The following NALCN variants were observed in gnomAD, a reference collection of about 807,000 sequenced individuals.
NALCN encodes the protein sodium leak channel, non-selective.
NALCN carries 111 observed loss-of-function variants against 225.3 expected under a neutral mutation model. That is an observed-to-expected ratio of 0.49 (90% CI 0.42 to 0.58). The LOEUF is 0.58. Ranked by LOEUF, NALCN falls within the 20% of genes least tolerant of loss-of-function variation. The pLI is 0.00. For missense variants in NALCN, 1,378 were observed against 2,202.4 expected, an observed-to-expected ratio of 0.63 and a Z score of 7.49; for synonymous variants, 764 against 769.0, an observed-to-expected ratio of 0.99 and a Z score of 0.11.
intron 22 of NALCN, among the ~76,000 whole-genome samples, chr13:101,106,287 T>A (rs2035095434): frequency 6.6e-6 from 1 of 152,170 alleles, no homozygotes; most frequent in Non-Finnish European, 1.5e-5. Flanking sequence ...CCAAATACAG[T>A]CACATTCTGA....
At chr13:101,366,042 G>A (rs1375213206) in intron 6 of NALCN, among the ~76,000 whole-genome samples, 2 of 152,198 alleles carry the variant, frequency 1.3e-5, no homozygotes, top group Non-Finnish European at 2.9e-5. Context: ...TAACCTGCCA[G>A]CTCATTTTTA....
chr13:101,328,602 T>G (rs1198469811), intron 7 of NALCN, among the ~76,000 whole-genome samples: 1 of 152,212 alleles, frequency 6.6e-6, no homozygotes, highest in Non-Finnish European at 1.5e-5. Context: ...TTTTCCCACT[T>G]TCTATCTGTG....
intron 11 of NALCN, among the ~76,000 whole-genome samples, chr13:101,248,822 T>G (rs2041976902): frequency 6.6e-6 from 1 of 152,198 alleles, no homozygotes; most frequent in African/African-American, 2.4e-5. Flanking sequence ...AGTATAGCAC[T>G]TTCCTGATTT....
chr13:101,224,678 TGA>T (rs2041069252), intron 13 of NALCN, among the ~76,000 whole-genome samples: 1 of 152,142 alleles, frequency 6.6e-6, no homozygotes. Context: ...CTTCCTTTTT[TGA>T]GAGAGCCGAC....
At chr13:101,394,372 C>G (rs1226535739) in intron 3 of NALCN, among the ~76,000 whole-genome samples, 1 of 152,158 alleles carries the variant, frequency 6.6e-6, no homozygotes, top group Non-Finnish European at 1.5e-5. Context: ...AAAACACTTT[C>G]TCACCAAAAT....
intron 3 of NALCN, among the ~76,000 whole-genome samples, chr13:101,393,355 G>T (rs2047197380): frequency 6.6e-6 from 1 of 152,134 alleles, no homozygotes; most frequent in Non-Finnish European, 1.5e-5. Context: ...CGCATTGCTG[G>T]TCAAAATACA....
intron 15 of NALCN, among the ~76,000 whole-genome samples, chr13:101,162,031 A>G (rs2038211461): frequency 6.6e-6 from 1 of 151,978 alleles, no homozygotes; most frequent in Non-Finnish European, 1.5e-5. Flanking sequence ...TTCTCCCTGG[A>G]GTTGTGCTCC....
chr13:101,345,143 A>G (rs1420107357), intron 7 of NALCN, 123 bp downstream of exon 7: 3 of 1,026,100 alleles, frequency 2.9e-6, no homozygotes, highest in African/African-American at 1.6e-5. Flanking sequence ...ATTAAAATTT[A>G]TATTTGTATT....
chr13:101,065,841 C>T (rs567477950), intron 39 of NALCN, among the ~76,000 whole-genome samples: 28 of 152,198 alleles, frequency 1.8e-4, no homozygotes, highest in Non-Finnish European at 1.6e-4. Flanking sequence ...CCCTTCAGCC[C>T]CCCAGGACCC....
chr13:101,191,063 T>C (rs1249866934), intron 14 of NALCN, among the ~76,000 whole-genome samples: 1 of 152,196 alleles, frequency 6.6e-6, no homozygotes, highest in Non-Finnish European at 1.5e-5. Context: ...AGCAATAATA[T>C]TGTAAGATAT....
In NALCN at chr13:101,144,913, A is replaced by G. The variant is rs765374059; in HGVS notation, c.1840-17T>C. The G allele has an allele frequency of 6.3e-7, 1 of 1,594,968 alleles. No homozygotes were observed. The highest frequency in any genetic ancestry group is 8.5e-7 in the Non-Finnish European group (1 of 1,175,300). On this transcript the variant is annotated splice_polypyrimidine_tract_variant and intron_variant, in intron 15 of 43. Coordinates refer to ENST00000251127, the MANE Select transcript of NALCN (RefSeq NM_052867.4). ...TTGCTTTAACTAAAGAAAAATTGGA[A>G]AGAAGAAAAAAAGGGGGAACCTATA...
intron 2 of NALCN, among the ~76,000 whole-genome samples, chr13:101,395,649 C>T (rs1033522407): frequency 2.6e-5 from 4 of 152,148 alleles, no homozygotes; most frequent in African/African-American, 9.7e-5. Flanking sequence ...AAAGCATAGA[C>T]GGAACCTGAT....
At chr13:101,087,479 TAA>T (rs57414633) in intron 30 of NALCN, among the ~76,000 whole-genome samples, 9 of 142,820 alleles carry the variant, frequency 6.3e-5, no homozygotes, top group Non-Finnish European at 1.1e-4. Flanking sequence ...AGCTGCTTTC[TAA>T]AAAAAAAAAA....
rs1244510463 is a variant in NALCN at position 101,273,877 on chromosome 13, T to C, written c.1134+10056A>G. Among the ~76,000 whole-genome samples the C allele has an allele frequency of 8.1e-3, 826 of 102,200 alleles. 5 individuals carry two copies. The highest frequency in any genetic ancestry group is 0.031 in the African/African-American group (773 of 24,746). The allele number at this position is 102,200 out of a possible 152,430, so 67.0% of individuals were successfully genotyped here. On this transcript the variant is annotated intron_variant, in intron 10 of 43. Transcript: ENST00000251127. The stretch of plus-strand genomic sequence containing the variant: ...TCCAGCCTGGGCGACAGAGCAAGAC[T>C]CCATCTCAAAAAAAAAAAAAAAAAA...
intron 15 of NALCN, among the ~76,000 whole-genome samples, chr13:101,150,699 T>C (rs1566347334): frequency 6.6e-6 from 1 of 152,234 alleles, no homozygotes; most frequent in Non-Finnish European, 1.5e-5. Flanking sequence ...GCAAAGATTT[T>C]GCAAGATTAA....
At position 101,061,819 on chromosome 13, in the gene NALCN, A is replaced by G. The variant is rs676373; in HGVS notation, c.4755+149T>C. 10,399 of 687,832 alleles carry G rather than the reference A, an allele frequency of 0.015. 751 individuals are homozygous for G. The African/African-American group carries it at 0.16, about 11-fold the overall frequency. The allele number at this position is 687,832 out of a possible 1,614,324, so 42.6% of individuals were successfully genotyped here. ...TCTGCATCATGATCTGACCACTGTA[A>G]GTGGAGGTAGTGGACATAGTTTAAA... is the stretch of plus-strand genomic sequence containing the variant. On this transcript the variant is annotated intron_variant, in intron 41 of 43. Transcript: ENST00000251127.
At chr13:101,235,687 C>T (rs184296563) in intron 12 of NALCN, among the ~76,000 whole-genome samples, 2 of 152,290 alleles carry the variant, frequency 1.3e-5, no homozygotes, top group Admixed American at 6.5e-5. Context: ...TTTACATCCA[C>T]GGATGCTGAG....
At position 101,292,149 on chromosome 13, in the gene NALCN, G is replaced by A. The variant is rs1256760913; in HGVS notation, c.943-55C>T. ...AAGTCTAAGAATGACAAAGCAGAGGGCAACCAAAACCAAACAAAAGATCTG... is the reference window on the plus strand; with the variant it reads ...AAGTCTAAGAATGACAAAGCAGAGGACAACCAAAACCAAACAAAAGATCTG... On this transcript the variant is annotated intron_variant, in intron 8 of 43. Transcript: ENST00000251127. This position sits in a 1 kb window ranked among gnomAD's most constrained non-coding sequence, Gnocchi z 4.3. The A allele has an allele frequency of 1.9e-6, 3 of 1,611,976 alleles. No individual in the cohort carries two copies. Among genetic ancestry groups the A allele is most frequent in the Non-Finnish European group, 2.5e-6 (3 of 1,178,716 alleles).
At chr13:101,237,216 G>A (rs934917350) in intron 12 of NALCN, among the ~76,000 whole-genome samples, 1 of 151,750 alleles carries the variant, frequency 6.6e-6, no homozygotes, top group Non-Finnish European at 1.5e-5. Flanking sequence ...AGTTAAATAA[G>A]AATTATAAGT....
Sources: gnomAD v4.1 joint callset for allele counts (sites outside exome capture counted in the v4.1 genomes callset) on GRCh38, gnomAD v4.1.1 for gene constraint, Gnocchi (gnomAD v3.1) non-coding constraint, MANE v1.5 for transcripts, NCBI Gene and HGNC (gene_info 2026-07-23, HGNC 2026-07-21) for gene names.